ARPC3: variants seen among roughly 807,000 people sequenced by gnomAD.
ARPC3 encodes actin related protein 2/3 complex subunit 3, also known as actin-related protein 2/3 complex subunit 3.
In ARPC3, 12 loss-of-function variants were observed where a neutral mutation model predicts 27.6. The ratio of observed to expected loss-of-function variants is 0.43; its 90% CI spans 0.28 to 0.70. The LOEUF is 0.70. Ranked by LOEUF, ARPC3 falls within the 30% of genes least tolerant of loss-of-function variation. The pLI, the probability that ARPC3 is intolerant of heterozygous loss-of-function variation, is 0.17. For missense variants in ARPC3, 153 were observed against 207.7 expected (o/e 0.74, Z 1.62); for synonymous variants, 53 against 67.2 (o/e 0.79, Z 1.03).
chr12:110,441,219 G>A (rs57727837), intron 2 of ARPC3, among the ~76,000 whole-genome samples: 84 of 150,736 alleles, frequency 5.6e-4, no homozygotes, highest in African/African-American at 2.0e-3. Context: ...GGCTCACTCT[G>A]CCTCCCGGGT....
intron 1 of ARPC3, among the ~76,000 whole-genome samples, chr12:110,450,045 G>A (rs1302355039): frequency 6.6e-6 from 1 of 152,098 alleles, no homozygotes; most frequent in Non-Finnish European, 1.5e-5. Flanking sequence ...TGGACCCTTG[G>A]CCCACTCCTG....
In ARPC3 at chr12:110,450,254, C is replaced by A; in HGVS notation, c.6+1G>T. 6.2e-7 allele frequency: 1 copy of A among 1,614,140 alleles called. No homozygotes were observed. Among genetic ancestry groups the A allele is most frequent in the South Asian group, 1.1e-5 (1 of 91,082 alleles). On this transcript the variant is annotated splice_donor_variant, in intron 1 of 6. Coordinates refer to ENST00000228825, the MANE Select transcript of ARPC3 (RefSeq NM_001278556.2). LOFTEE classifies it high-confidence loss of function. ...CCCCACACCGTGGATCGAACCCTCA[C>A]CGGCATCTTGGCGGCGCCCGGGTTT...
At chr12:110,447,327 T>C (rs2062470379) in intron 1 of ARPC3, among the ~76,000 whole-genome samples, 1 of 152,250 alleles carries the variant, frequency 6.6e-6, no homozygotes, top group Admixed American at 6.6e-5. Context: ...ACAAGATGTC[T>C]GGCTTTTTAT....
chr12:110,447,763 C>T (rs539621164), intron 1 of ARPC3, among the ~76,000 whole-genome samples: 1 of 152,020 alleles, frequency 6.6e-6, no homozygotes, highest in African/African-American at 2.4e-5. Context: ...CACAGCAAGA[C>T]TCTGTCTCAA....
At position 110,435,133 on chromosome 12, in the gene ARPC3, A is replaced by G. The variant is rs374531480; in HGVS notation, c.*22T>C. On this transcript the variant is annotated 3_prime_UTR_variant, in exon 7 of 7. Transcript: ENST00000228825. ...GAAAATGCTGCCCAGGGCTCTGGAG[A>G]CGGTGGCTGCCCGGGCTCCCTTCAC... 13 of 1,605,890 alleles carry G rather than the reference A, an allele frequency of 8.1e-6. No individual in the cohort carries two copies. The highest frequency in any genetic ancestry group is 1.3e-5 in the African/African-American group (1 of 74,738).
rs555118172 is a variant in ARPC3, at chr12:110,448,844, C to T, written c.6+1411G>A. On this transcript the variant is annotated intron_variant, in intron 1 of 6. Transcript: ENST00000228825. ...CTAGACGAGTGCAGTGGCACGGTCT[C>T]GGCTCACTGCAACCTCCGCCTCCTG... Among the ~76,000 whole-genome samples the T allele has an allele frequency of 2.3e-3, 321 of 142,256 alleles. 1 individual carries two copies. Among genetic ancestry groups the T allele is most frequent in the Non-Finnish European group, 3.6e-3 (240 of 66,372 alleles). The allele number at this position is 142,256 out of a possible 152,430, so 93.3% of individuals were successfully genotyped here.
intron 2 of ARPC3, chr12:110,442,779 G>T (rs1007859476): frequency 8.5e-5 from 13 of 152,164 alleles, no homozygotes; most frequent in Admixed American, 5.2e-4. Flanking sequence ...AAATATACTT[G>T]TACAAGCTGT....
intron 2 of ARPC3, 175 bp downstream of exon 2, chr12:110,445,277 A>G (rs2062457957): frequency 1.7e-6 from 1 of 602,206 alleles, no homozygotes; most frequent in African/African-American, 1.9e-5. Flanking sequence ...ACAATTTCCT[A>G]TTAAATGCAA....
rs189908344 is a variant in ARPC3 at position 110,435,062 on chromosome 12, A to G, written c.*93T>C. 6.3e-3 allele frequency: 6,103 copies of G among 969,354 alleles called. 24 individuals carry two copies. Among genetic ancestry groups the G allele is most frequent in the Non-Finnish European group, 7.6e-3 (4,596 of 602,220 alleles). The allele number at this position is 969,354 out of a possible 1,614,324, so 60.0% of individuals were successfully genotyped here. A position where few individuals can be genotyped will look rare whatever the true frequency, so the allele number is the denominator to read the frequency against. On this transcript the variant is annotated 3_prime_UTR_variant, in exon 7 of 7. Transcript: ENST00000228825. ...AAAGACATGCTCTTCTCTCTTCTGT[A>G]TAAAACTTTACGAAATAAAGGCAAA...
intron 1 of ARPC3, among the ~76,000 whole-genome samples, chr12:110,446,067 C>T (rs938762388): frequency 6.7e-6 from 1 of 149,760 alleles, no homozygotes; most frequent in Middle Eastern, 3.4e-3. Flanking sequence ...CGTGCCACTG[C>T]ACTCCAGCCT....
intron 3 of ARPC3, among the ~76,000 whole-genome samples, chr12:110,438,323 G>C (rs1242651377): frequency 6.6e-6 from 1 of 150,400 alleles, no homozygotes; most frequent in African/African-American, 2.4e-5. Context: ...AAAAAGGCCG[G>C]GTGCGGTGGC....
chr12:110,440,417 G>A (rs756128274), intron 2 of ARPC3, 29 bp from the exon 3 acceptor site: 11 of 1,462,844 alleles, frequency 7.5e-6, no homozygotes, highest in East Asian at 2.3e-5. Context: ...AAGGAGCACA[G>A]AGAACATTAG....
chr12:110,434,848 TCAAAA>T lies in ARPC3; in HGVS notation c.*302_*306del. 1 of 527,938 alleles carries T rather than the reference TCAAAA, an allele frequency of 1.9e-6. No individual in the cohort carries two copies. The highest frequency in any genetic ancestry group is 1.7e-5 in the South Asian group (1 of 57,918). 32.7% of individuals were successfully genotyped at this position (527,938 alleles called of 1,614,324 possible). ...GGCATTATGGAATGTGAATTTTATC[TCAAAA>T]CAAATTGTAAGTGAATGTCAAAGAC... On this transcript the variant is annotated 3_prime_UTR_variant, in exon 7 of 7. Coordinates refer to ENST00000228825, the MANE Select transcript of ARPC3 (RefSeq NM_001278556.2).
rs1555295715 is a variant in ARPC3 at position 110,436,695 on chromosome 12, A to AT, written c.253-13_253-12insA. The AT allele has an allele frequency of 5.4e-5, 40 of 735,104 alleles. 1 individual carries two copies. In the African/African-American group the frequency reaches 5.5e-4, roughly 10 times the overall value. 45.5% of individuals were successfully genotyped at this position (735,104 alleles called of 1,614,324 possible). On this transcript the variant is annotated splice_polypyrimidine_tract_variant and intron_variant, in intron 4 of 6. Transcript: ENST00000228825. ...CTTTTGGAATTGCACTGGAAAAAAA[A>AT]ATATATATATATATATACACACACA...
At chr12:110,441,822 G>T (rs2062439104) in intron 2 of ARPC3, among the ~76,000 whole-genome samples, 1 of 151,904 alleles carries the variant, frequency 6.6e-6, no homozygotes, top group Non-Finnish European at 1.5e-5. Context: ...CCTGAGGTCA[G>T]GAGTTTGAGA....
In ARPC3 at chr12:110,440,340, T is replaced by C. The variant is rs753844822; in HGVS notation, c.155A>G (p.Asn52Ser). The C allele has an allele frequency of 1.5e-5, 24 of 1,610,842 alleles. No individual in the cohort carries two copies. Among genetic ancestry groups the C allele is most frequent in the Non-Finnish European group, 2.0e-5 (23 of 1,177,226 alleles). The part of the protein sequence containing the change: ...VDEAIYYFKA[N>S]VFFKNYEIKN... Reference sequence around the variant, plus strand: ...AATTTCATAGTTTTTGAAGAAGACATTGGCCTTGAAGTAATAGATGGCTTC... The same window carrying C: ...AATTTCATAGTTTTTGAAGAAGACACTGGCCTTGAAGTAATAGATGGCTTC... The change falls in exon 3 of 7, where the codon AAT (asparagine) becomes AGT (serine). Residue 52 changes from asparagine to serine, a missense_variant. Coordinates refer to ENST00000228825, the MANE Select transcript of ARPC3 (RefSeq NM_001278556.2).
intron 3 of ARPC3, among the ~76,000 whole-genome samples, chr12:110,439,415 T>C (rs575390135): frequency 6.8e-4 from 103 of 152,316 alleles, no homozygotes; most frequent in African/African-American, 2.4e-3. Context: ...ACATGAGATA[T>C]AGAAAACATT....
intron 2 of ARPC3, among the ~76,000 whole-genome samples, chr12:110,443,826 A>AG (rs1294505613): frequency 1.3e-5 from 2 of 152,224 alleles, no homozygotes; most frequent in Admixed American, 6.5e-5. Flanking sequence ...CAATGACAGG[A>AG]GGGGGCAAAG....
intron 2 of ARPC3, 94 bp from the exon 3 acceptor site, chr12:110,440,482 G>A: frequency 2.5e-6 from 2 of 809,030 alleles, no homozygotes; most frequent in Non-Finnish European, 4.4e-6. Flanking sequence ...ACATACAACT[G>A]TCAACAGTTG....
Sources: allele counts gnomAD v4.1 joint callset (sites outside exome capture counted in the v4.1 genomes callset), GRCh38; gene constraint gnomAD v4.1.1; transcripts MANE v1.5; gene names NCBI Gene and HGNC (gene_info 2026-07-23, HGNC 2026-07-21).